Variants in MTF2 observed in about 807,000 individuals in gnomAD.
MTF2 encodes metal response element binding transcription factor 2, also known as metal-response element-binding transcription factor 2.
A neutral mutation model predicts 79.5 loss-of-function variants in MTF2; 11 were observed. The observed-to-expected ratio is 0.14, with a 90% CI of 0.09 to 0.23. The LOEUF is 0.23. MTF2 is among the 10% of genes least tolerant of loss of function. The pLI is 1.00. For synonymous variants in MTF2, 208 were observed against 232.8 expected (o/e 0.89, Z 0.97); for missense variants, 486 against 711.2 (o/e 0.68, Z 3.60).
intron 1 of MTF2, among the ~76,000 whole-genome samples, chr1:93,089,816 C>G (rs1034627234): frequency 1.3e-5 from 2 of 149,788 alleles, no homozygotes; most frequent in Non-Finnish European, 3.0e-5. Context: ...ATGTTCCTGT[C>G]TCAGCCTCCC....
At chr1:93,105,119 G>A (rs1193237513) in intron 1 of MTF2, among the ~76,000 whole-genome samples, 4 of 146,740 alleles carry the variant, frequency 2.7e-5, no homozygotes, top group Admixed American at 6.9e-5. Flanking sequence ...ACTCCAGCCT[G>A]GGTGACAGAG....
chr1:93,095,132 T>TGATC (rs1655236105), intron 1 of MTF2, among the ~76,000 whole-genome samples: 3 of 152,068 alleles, frequency 2.0e-5, no homozygotes, highest in Admixed American at 2.0e-4. Context: ...TGGGCTCAAG[T>TGATC]GATCCTCCCA....
chr1:93,128,049 C>A (rs886084226), intron 10 of MTF2, among the ~76,000 whole-genome samples: 1 of 151,786 alleles, frequency 6.6e-6, no homozygotes, highest in African/African-American at 2.4e-5. Flanking sequence ...ATCTTTACAC[C>A]AGCTCAAAAA....
At chr1:93,088,449 A>G (rs1218702002) in intron 1 of MTF2, among the ~76,000 whole-genome samples, 1 of 152,128 alleles carries the variant, frequency 6.6e-6, no homozygotes, top group African/African-American at 2.4e-5. Flanking sequence ...TAAAGATTTT[A>G]CCAGTTGTCA....
At chr1:93,099,569 T>C (rs1655444228) in intron 1 of MTF2, among the ~76,000 whole-genome samples, 1 of 152,148 alleles carries the variant, frequency 6.6e-6, no homozygotes, top group Admixed American at 6.5e-5. Context: ...ATTTTCAACA[T>C]TAAATTCTGT....
intron 1 of MTF2, among the ~76,000 whole-genome samples, chr1:93,097,085 C>G (rs556426869): frequency 6.6e-6 from 1 of 152,272 alleles, no homozygotes; most frequent in African/African-American, 2.4e-5. Flanking sequence ...GCTGGGATTA[C>G]AGGCCTGAGC....
At chr1:93,104,102 CTTT>C (rs781525518) in intron 1 of MTF2, among the ~76,000 whole-genome samples, 1 of 125,424 alleles carries the variant, frequency 8.0e-6, no homozygotes, top group African/African-American at 3.2e-5. Flanking sequence ...CTACACCCAG[CTTT>C]TTTTTTTTTT....
At chr1:93,084,774 T>A (rs553044981) in intron 1 of MTF2, among the ~76,000 whole-genome samples, 1 of 152,232 alleles carries the variant, frequency 6.6e-6, no homozygotes, top group African/African-American at 2.4e-5. Flanking sequence ...GAGGATTGGG[T>A]AGGAGGATTG....
At chr1:93,126,172 G>A (rs1656688903) in intron 9 of MTF2, among the ~76,000 whole-genome samples, 1 of 148,286 alleles carries the variant, frequency 6.7e-6, no homozygotes, top group Non-Finnish European at 1.5e-5. Flanking sequence ...TTTTTTTTTA[G>A]CACTCAGCAT....
At chr1:93,104,288 T>A (rs1655668970) in intron 1 of MTF2, among the ~76,000 whole-genome samples, 1 of 152,016 alleles carries the variant, frequency 6.6e-6, no homozygotes, top group Non-Finnish European at 1.5e-5. Flanking sequence ...TATGTTTATG[T>A]GGGTAAAAGG....
intron 8 of MTF2, 74 bp downstream of exon 8, chr1:93,119,475 C>T: frequency 1.8e-6 from 2 of 1,121,334 alleles, no homozygotes; most frequent in Admixed American, 2.5e-5. Context: ...TTTCTATATA[C>T]ATTTACTTGG....
At chr1:93,131,694 T>A (rs1258574143) in intron 11 of MTF2, among the ~76,000 whole-genome samples, 1 of 152,186 alleles carries the variant, frequency 6.6e-6, no homozygotes, top group East Asian at 1.9e-4. Flanking sequence ...GATGGTTTTT[T>A]AAAATAGATG....
At chr1:93,127,125 A>G in intron 9 of MTF2, 107 bp from the exon 10 acceptor site, 1 of 724,344 alleles carries the variant, frequency 1.4e-6, no homozygotes, top group Non-Finnish European at 2.4e-6. Context: ...TCTTCTGACT[A>G]CCAATCAGTA....
chr1:93,112,909 C>A (rs1207633353), intron 3 of MTF2, among the ~76,000 whole-genome samples: 1 of 152,182 alleles, frequency 6.6e-6, no homozygotes, highest in African/African-American at 2.4e-5. Context: ...CCTTCCCCAT[C>A]ATTAGTCCAG....
In MTF2 at chr1:93,136,998, G is replaced by C; in HGVS notation, c.1753G>C (p.Val585Leu). 1.2e-6 allele frequency: 2 copies of C among 1,613,942 alleles called. No individual in the cohort carries two copies. Among genetic ancestry groups the C allele is most frequent in the Non-Finnish European group, 1.7e-6 (2 of 1,179,972 alleles). The change falls in exon 15 of 15, where the codon GTG becomes CTG. Residue 585 changes from valine to leucine, a missense_variant. By Grantham distance (32) the Val-to-Leu change is conservative. Transcript: ENST00000370298. ...VTLDGKVQYL[V>L]EWEGATAS is the part of the protein sequence containing the mutation. Reference sequence around the variant, plus strand: ...ACTTGATGGAAAGGTGCAGTATCTTGTGGAATGGGAAGGAGCAACTGCATC... The same window carrying C: ...ACTTGATGGAAAGGTGCAGTATCTTCTGGAATGGGAAGGAGCAACTGCATC...
At chr1:93,108,905 G>T (rs1655916279) in intron 1 of MTF2, among the ~76,000 whole-genome samples, 1 of 152,088 alleles carries the variant, frequency 6.6e-6, no homozygotes, top group African/African-American at 2.4e-5. Context: ...CCTCATATAA[G>T]TGGAATAGTT....
Position 93,100,281 on chromosome 1 carries a change from A to T in MTF2, c.6-9949A>T, listed in dbSNP as rs568574285. 9.4e-4 allele frequency among the ~76,000 whole-genome samples: 142 copies of T among 151,786 alleles called. 4 individuals carry two copies. In the South Asian group the frequency reaches 0.029, roughly 31 times the overall value. On this transcript the variant is annotated intron_variant, in intron 1 of 14. Coordinates refer to ENST00000370298, the MANE Select transcript of MTF2 (RefSeq NM_007358.4). ...TTGCTATTTTTATAAAAAAGCATAT[A>T]TGTGGCATTATGTTTGTTTGTTTGT...
intron 5 of MTF2, 115 bp from the exon 6 acceptor site, chr1:93,115,355 T>C (rs776720667): frequency 3.8e-5 from 33 of 860,722 alleles, no homozygotes; most frequent in Admixed American, 1.7e-4. Flanking sequence ...GTTTGTGATA[T>C]GGTAAAAGTT....
chr1:93,095,224 A>G (rs952276476), intron 1 of MTF2, among the ~76,000 whole-genome samples: 4 of 152,064 alleles, frequency 2.6e-5, no homozygotes, highest in African/African-American at 9.7e-5. Context: ...TTTTTTTTGT[A>G]GTGGTGGGGT....
Sources: gnomAD v4.1 joint callset for allele counts (sites outside exome capture counted in the v4.1 genomes callset) on GRCh38, gnomAD v4.1.1 for gene constraint, MANE v1.5 for transcripts, NCBI Gene and HGNC (gene_info 2026-07-23, HGNC 2026-07-21) for gene names.